Variants in MSH4 observed in about 807,000 individuals in gnomAD.
The protein encoded by MSH4 is mutS homolog 4.
Under a neutral mutation model 113.7 loss-of-function variants are expected in MSH4, and 106 were observed. The observed-to-expected ratio is 0.93, with a 90% CI of 0.80 to 1.10. The LOEUF is 1.10. Ranked by LOEUF, MSH4 falls within the 50% of genes least tolerant of loss-of-function variation. The probability of loss-of-function intolerance (pLI) is 0.00; values close to 1 mark genes in which losing one functional copy is unlikely to be tolerated. For missense variants in MSH4, 1,061 were observed against 1,093.7 expected (o/e 0.97, Z 0.42); for synonymous variants, 368 against 380.2 (o/e 0.97, Z 0.37).
chr1:75,884,970 T>C (rs1405064210), intron 15 of MSH4, among the ~76,000 whole-genome samples: 2 of 103,158 alleles, frequency 1.9e-5, no homozygotes, highest in Non-Finnish European at 4.1e-5. Context: ...TATATGTATA[T>C]GTATGTATGT....
chr1:75,809,523 A>T (rs1031648222), intron 3 of MSH4, among the ~76,000 whole-genome samples: 3 of 152,150 alleles, frequency 2.0e-5, no homozygotes, highest in Non-Finnish European at 4.4e-5. Flanking sequence ...ACCTTATTTT[A>T]TGAAAAGCTA....
chr1:75,840,639 G>A (rs1294904980), intron 7 of MSH4, among the ~76,000 whole-genome samples: 1 of 149,868 alleles, frequency 6.7e-6, no homozygotes, highest in African/African-American at 2.5e-5. Context: ...TGCACATTGT[G>A]CACATGTACC....
At chr1:75,907,689 CA>C (rs1557535213) in intron 19 of MSH4, among the ~76,000 whole-genome samples, 3,735 of 78,496 alleles carry the variant, frequency 0.048, 148 homozygotes, top group African/African-American at 0.071. Context: ...TCTCTCTATA[CA>C]TATATATATA....
intron 1 of MSH4, among the ~76,000 whole-genome samples, chr1:75,797,998 G>A (rs1255122084): frequency 6.6e-6 from 1 of 152,132 alleles, no homozygotes; most frequent in African/African-American, 2.4e-5. Context: ...TATTTTGTTA[G>A]TCTCTATTCA....
intron 10 of MSH4, among the ~76,000 whole-genome samples, chr1:75,877,420 C>G (rs1651838608): frequency 6.6e-6 from 1 of 152,100 alleles, no homozygotes; most frequent in South Asian, 2.1e-4. Flanking sequence ...AAATTATTAG[C>G]AGTAGTTGTG....
chr1:75,902,453 G>T (rs1429693513), intron 19 of MSH4, among the ~76,000 whole-genome samples: 1 of 151,576 alleles, frequency 6.6e-6, no homozygotes, highest in African/African-American at 2.4e-5. Flanking sequence ...AGAACATGCA[G>T]TATTTGGTTT....
intron 15 of MSH4, among the ~76,000 whole-genome samples, chr1:75,887,917 T>C (rs1241270540): frequency 6.6e-6 from 1 of 151,808 alleles, no homozygotes; most frequent in African/African-American, 2.4e-5. Context: ...GAAGCCACTC[T>C]AGGTTCATAA....
In MSH4 at chr1:75,815,136, A is replaced by G; in HGVS notation, c.815A>G (p.Lys272Arg). Residue 272 changes from lysine (K) to arginine (R), a missense_variant and splice_region_variant, in exon 5 of 20, where the codon AAG becomes AGG. Coordinates refer to ENST00000263187, the MANE Select transcript of MSH4 (RefSeq NM_002440.4). ...FSTVLMEVQS[K>R]YYCLAAVAAL... Reference sequence around the variant, plus strand: ...ACTGTCCTAATGGAGGTTCAGTCCAAGTAAGTTATATATTTATTTATTTTT... The same window carrying G: ...ACTGTCCTAATGGAGGTTCAGTCCAGGTAAGTTATATATTTATTTATTTTT... 5 of 1,478,428 alleles carry G rather than the reference A, an allele frequency of 3.4e-6. No homozygotes were observed. The highest frequency in any genetic ancestry group is 4.6e-6 in the Non-Finnish European group (5 of 1,092,766). 91.6% of individuals were successfully genotyped at this position (1,478,428 alleles called of 1,614,324 possible).
chr1:75,803,601 G>A (rs1301181287), intron 1 of MSH4, 130 bp from the exon 2 acceptor site: 3 of 663,988 alleles, frequency 4.5e-6, no homozygotes, highest in Non-Finnish European at 6.8e-6. Flanking sequence ...TGGGCGACAA[G>A]AGCAAGACTC....
chr1:75,876,984 T>C lies in MSH4; in HGVS notation c.1354T>C (p.Ser452Pro). Residue 452 changes from serine (S) to proline (P), a missense_variant, in exon 10 of 20, where the codon TCC becomes CCC. Ser to Pro is a moderately conservative substitution (Grantham distance 74). Transcript: ENST00000263187. Reference sequence around the variant, plus strand: ...ACCTTTATTAAGAGCTTACTATGGTTCCTTGGAAGACAAGAGGTCTTTGTC... The same window carrying C: ...ACCTTTATTAAGAGCTTACTATGGTCCCTTGGAAGACAAGAGGTCTTTGTC... Reference protein sequence around the residue: ...NTPLLRAYYGSLEDKRFGIIL... With the variant: ...NTPLLRAYYGPLEDKRFGIIL... The C allele has an allele frequency of 6.4e-7, 1 of 1,565,254 alleles. No homozygotes were observed. Among genetic ancestry groups the C allele is most frequent in the Non-Finnish European group, 8.6e-7 (1 of 1,156,136 alleles).
intron 3 of MSH4, among the ~76,000 whole-genome samples, chr1:75,807,452 C>T (rs1650093953): frequency 6.6e-6 from 1 of 152,078 alleles, no homozygotes; most frequent in Non-Finnish European, 1.5e-5. Flanking sequence ...TAATGTGGTA[C>T]TGATCATAAT....
chr1:75,833,429 A>C (rs558517998), intron 7 of MSH4, among the ~76,000 whole-genome samples: 1 of 152,316 alleles, frequency 6.6e-6, no homozygotes, highest in Middle Eastern at 3.4e-3. Context: ...GAATTGGAAA[A>C]AACTACTTTA....
chr1:75,833,640 A>G (rs539765587), intron 7 of MSH4, among the ~76,000 whole-genome samples: 104 of 152,266 alleles, frequency 6.8e-4, no homozygotes, highest in South Asian at 2.9e-3. Context: ...CACATCTACA[A>G]CCATCTAATC....
intron 8 of MSH4, among the ~76,000 whole-genome samples, chr1:75,858,062 CTGTT>C (rs1174567290): frequency 1.3e-5 from 2 of 152,154 alleles, no homozygotes; most frequent in Non-Finnish European, 1.5e-5. Context: ...ATTTGGCTCT[CTGTT>C]TATCTGTTAT....
chr1:75,834,191 A>G (rs1039964351), intron 7 of MSH4, among the ~76,000 whole-genome samples: 3 of 152,374 alleles, frequency 2.0e-5, no homozygotes, highest in Non-Finnish European at 4.4e-5. Flanking sequence ...ACTCCTTATC[A>G]CTGGCCATCA....
rs1649861503 is a variant in MSH4 at position 75,798,210 on chromosome 1, C to T, written c.244+981C>T. Reference sequence around the variant, plus strand: ...CTCCTGGTCTCAAGTGCTCCTGCCTCGGTCTGCCCAAGCATTGGGATTACA... The same window carrying T: ...CTCCTGGTCTCAAGTGCTCCTGCCTTGGTCTGCCCAAGCATTGGGATTACA... On this transcript the variant is annotated intron_variant, in intron 1 of 19. Coordinates refer to ENST00000263187, the MANE Select transcript of MSH4 (RefSeq NM_002440.4). Among the ~76,000 whole-genome samples the T allele has an allele frequency of 3.9e-5, 6 of 152,324 alleles. No individual in the cohort carries two copies. In the South Asian group the frequency reaches 1.0e-3, roughly 26 times the overall value.
At chr1:75,806,904 G>T (rs1173392228) in intron 2 of MSH4, 77 bp from the exon 3 acceptor site, 9 of 1,328,888 alleles carry the variant, frequency 6.8e-6, no homozygotes, top group Non-Finnish European at 9.0e-6. Flanking sequence ...TCTTGATTAA[G>T]AATTTCCTAG....
intron 17 of MSH4, among the ~76,000 whole-genome samples, chr1:75,892,736 ACTTG>A (rs1171793014): frequency 3.3e-5 from 5 of 151,982 alleles, no homozygotes; most frequent in African/African-American, 9.7e-5. Context: ...CCCATCACAT[ACTTG>A]GTGAGGGCCT....
chr1:75,883,240 C>T (rs1014528544), intron 14 of MSH4, among the ~76,000 whole-genome samples: 1 of 149,422 alleles, frequency 6.7e-6, no homozygotes, highest in African/African-American at 2.5e-5. Context: ...CTCCTGAGCT[C>T]AAGCAATCAA....
Sources: gnomAD v4.1 joint callset for allele counts (sites outside exome capture counted in the v4.1 genomes callset) on GRCh38, gnomAD v4.1.1 for gene constraint, MANE v1.5 for transcripts, NCBI Gene and HGNC (gene_info 2026-07-23, HGNC 2026-07-21) for gene names.